The following SYNJ1 variants were observed in gnomAD, a reference collection of about 807,000 sequenced individuals.
SYNJ1 encodes the protein polyphosphatidylinositol phosphatase SYNJ1.
In SYNJ1, 78 loss-of-function variants were observed where a neutral mutation model predicts 168.2. That is an observed-to-expected ratio of 0.46 (90% confidence interval 0.39 to 0.56). The LOEUF is 0.56. Ranked by LOEUF, SYNJ1 falls within the 20% of genes least tolerant of loss-of-function variation. The pLI, the probability that SYNJ1 is intolerant of heterozygous loss-of-function variation, is 0.00. For missense variants in SYNJ1, 1,303 were observed against 1,597.6 expected (o/e 0.82, Z 3.14); for synonymous variants, 539 against 548.6 (o/e 0.98, Z 0.24).
chr21:32,702,890 CG>C (rs1181233133), intron 2 of SYNJ1, among the ~76,000 whole-genome samples: 2 of 152,232 alleles, frequency 1.3e-5, no homozygotes, highest in Middle Eastern at 3.2e-3. Flanking sequence ...ACGTGTTCCA[CG>C]TTAGAAAATC....
At chr21:32,686,213 TGAAA>T (rs2041832854) in intron 8 of SYNJ1, among the ~76,000 whole-genome samples, 1 of 152,196 alleles carries the variant, frequency 6.6e-6, no homozygotes, top group South Asian at 2.1e-4. Context: ...TATCAAAGAC[TGAAA>T]GATTCATATT....
chr21:32,674,607 A>G (rs1458825164), intron 13 of SYNJ1, among the ~76,000 whole-genome samples: 1 of 119,310 alleles, frequency 8.4e-6, no homozygotes, highest in Non-Finnish European at 1.7e-5. Flanking sequence ...TACATTTTGA[A>G]TCCTCAATCT....
At position 32,630,871 on chromosome 21, in the gene SYNJ1, T is replaced by C. The variant is rs912454976; in HGVS notation, c.*934A>G. The C allele has an allele frequency of 2.2e-6, 2 of 893,996 alleles. No individual in the cohort carries two copies. Among genetic ancestry groups the C allele is most frequent in the Admixed American group, 2.9e-5 (1 of 34,824 alleles). 55.4% of individuals were successfully genotyped at this position (893,996 alleles called of 1,614,324 possible). ...GTCCAACTCTGTACACATCAAATAGTGGTGTTTTGTGAAGATATCAGTGCA... is the reference window on the plus strand; with the variant it reads ...GTCCAACTCTGTACACATCAAATAGCGGTGTTTTGTGAAGATATCAGTGCA... On this transcript the variant is annotated 3_prime_UTR_variant, in exon 33 of 33. Coordinates refer to ENST00000674351, the MANE Select transcript of SYNJ1 (RefSeq NM_203446.3).
At chr21:32,705,755 G>C (rs796318684) in intron 2 of SYNJ1, among the ~76,000 whole-genome samples, 1 of 152,174 alleles carries the variant, frequency 6.6e-6, no homozygotes, top group Non-Finnish European at 1.5e-5. Context: ...GGAAGCTGAT[G>C]CAGAAGGACC....
At chr21:32,695,857 T>C (rs1396657582) in intron 4 of SYNJ1, among the ~76,000 whole-genome samples, 1 of 150,950 alleles carries the variant, frequency 6.6e-6, no homozygotes, top group Non-Finnish European at 1.5e-5. Flanking sequence ...TTTTTTTTTT[T>C]CTTTTTTGAG....
At chr21:32,639,277 A>C in intron 30 of SYNJ1, 152 bp from the exon 31 acceptor site, 1 of 713,090 alleles carries the variant, frequency 1.4e-6, no homozygotes, top group African/African-American at 1.8e-5. Context: ...GGATATAGCT[A>C]TCTGAATATA....
intron 14 of SYNJ1, among the ~76,000 whole-genome samples, chr21:32,671,974 G>A (rs149596512): frequency 5.7e-4 from 81 of 142,070 alleles, no homozygotes; most frequent in African/African-American, 2.0e-3. Context: ...CAGGAGAATC[G>A]TTTGAACTCG....
chr21:32,665,312 A>G (rs1279292276), intron 17 of SYNJ1, among the ~76,000 whole-genome samples: 1 of 152,218 alleles, frequency 6.6e-6, no homozygotes, highest in Non-Finnish European at 1.5e-5. Flanking sequence ...TAAATAAGAT[A>G]GCTCCAAAGA....
intron 31 of SYNJ1, among the ~76,000 whole-genome samples, chr21:32,636,093 A>G (rs2039554307): frequency 1.3e-5 from 2 of 152,208 alleles, no homozygotes; most frequent in South Asian, 2.1e-4. Context: ...GGCAGTGGAC[A>G]GGAGATCAGG....
At chr21:32,640,272 G>A (rs2039771524) in intron 29 of SYNJ1, among the ~76,000 whole-genome samples, 1 of 151,782 alleles carries the variant, frequency 6.6e-6, no homozygotes. Context: ...GGAGACTTTG[G>A]GGAAAAAACA....
rs115204185 is a variant in SYNJ1, at chr21:32,650,245, T to C, written c.2976A>G (p.Ser992=). ...SLEKISIALP[S]STSSTLLGED... The stretch of plus-strand genomic sequence containing the variant: ...CACCAAGCAGGGTAGAGCTTGTTGA[T>C]GATGGCAATGCAATGCTAATTTTCT... Residue 992 remains serine (S), a synonymous_variant, in exon 23 of 33, where the codon TCA becomes TCG. Coordinates refer to ENST00000674351, the MANE Select transcript of SYNJ1 (RefSeq NM_203446.3). 46 of 1,614,002 alleles carry C rather than the reference T, an allele frequency of 2.9e-5. No individual in the cohort carries two copies. The East Asian group carries it at 9.6e-4, about 34-fold the overall frequency.
chr21:32,728,140 G>A (rs2043565368), upstream of SYNJ1: 8 of 1,359,582 alleles, frequency 5.9e-6, no homozygotes, highest in South Asian at 1.2e-4. Context: ...GCTGGGCCTG[G>A]CACCCGCGGG....
intron 18 of SYNJ1, among the ~76,000 whole-genome samples, chr21:32,662,250 ACT>A (rs1269309191): frequency 6.6e-6 from 1 of 152,056 alleles, no homozygotes; most frequent in Non-Finnish European, 1.5e-5. Context: ...TCATCGTGGG[ACT>A]CATTTTCCTT....
chr21:32,695,626 TA>T, intron 4 of SYNJ1, among the ~76,000 whole-genome samples: 1 of 149,960 alleles, frequency 6.7e-6, no homozygotes, highest in East Asian at 1.9e-4. Flanking sequence ...CTCTACTTTT[TA>T]AAAAAATATT....
chr21:32,646,128 G>T, intron 24 of SYNJ1: 2 of 662,222 alleles, frequency 3.0e-6, no homozygotes, highest in Non-Finnish European at 5.5e-6. Flanking sequence ...AATAGTTAAC[G>T]GGTTCATACC....
intron 14 of SYNJ1, chr21:32,670,702 T>A: frequency 1.3e-6 from 1 of 759,156 alleles, no homozygotes; most frequent in Non-Finnish European, 1.6e-6. Context: ...CACATAAAAC[T>A]GGAGAGAGAA....
chr21:32,672,059 C>CAAA (rs1160074724), intron 14 of SYNJ1, among the ~76,000 whole-genome samples: 40 of 24,616 alleles, frequency 1.6e-3, no homozygotes, highest in South Asian at 2.1e-3. Flanking sequence ...AACTCAATCT[C>CAAA]AAAAAAAAAA....
chr21:32,659,092 C>T (rs1362352666), intron 18 of SYNJ1, among the ~76,000 whole-genome samples: 1 of 148,510 alleles, frequency 6.7e-6, no homozygotes, highest in East Asian at 2.0e-4. Flanking sequence ...GATCCTTTTA[C>T]CTAAAAAAAA....
chr21:32,722,551 AAAACAACAACAAAAATTT>A (rs1468197427), intron 2 of SYNJ1, among the ~76,000 whole-genome samples: 1 of 152,192 alleles, frequency 6.6e-6, no homozygotes, highest in Non-Finnish European at 1.5e-5. Context: ...CTCTGCTCAA[AAAACAACAACAAAAATTT>A]ACGGAAAAAT....
Sources: allele counts gnomAD v4.1 joint callset (sites outside exome capture counted in the v4.1 genomes callset), GRCh38; gene constraint gnomAD v4.1.1; transcripts MANE v1.5; gene names NCBI Gene and HGNC (gene_info 2026-07-23, HGNC 2026-07-21).